The following MYH10 variants were observed in gnomAD, a reference collection of about 807,000 sequenced individuals.
The protein encoded by MYH10 is myosin heavy chain 10.
Under a neutral mutation model 257.8 loss-of-function variants are expected in MYH10, and 55 were observed. The observed-to-expected ratio is 0.21, with a 90% CI of 0.17 to 0.27. MYH10 has a LOEUF of 0.27. MYH10 is among the 10% of genes least tolerant of loss of function. The pLI is 1.00. For missense variants in MYH10, 1,631 were observed against 2,500.6 expected (o/e 0.65, Z 7.42); for synonymous variants, 854 against 921.7 (o/e 0.93, Z 1.33).
At chr17:8,548,522 T>C in intron 10 of MYH10, 114 bp from the exon 11 acceptor site, 5 of 1,423,970 alleles carry the variant, frequency 3.5e-6, no homozygotes, top group East Asian at 2.3e-5. Flanking sequence ...CAGTAAGACA[T>C]GTCTTTTCAG....
intron 24 of MYH10, among the ~76,000 whole-genome samples, chr17:8,511,888 A>G (rs769523108): frequency 6.6e-6 from 1 of 152,238 alleles, no homozygotes; most frequent in Non-Finnish European, 1.5e-5. Flanking sequence ...TTCAGGCTGT[A>G]CCTCTAAAAT....
chr17:8,475,886 CCTT>C lies in MYH10; in HGVS notation c.5939_5941del (p.Glu1980del). The C allele has an allele frequency of 6.2e-7, 1 of 1,614,242 alleles. No individual in the cohort carries two copies. The highest frequency in any genetic ancestry group is 8.5e-7 in the Non-Finnish European group (1 of 1,180,046). Reference sequence around the variant, plus strand: ...ATCGTCGGAGAGCTCCAGGGAAGCTCCTTCAAGGTGCAGCTGGCGCCGGCCAGA... The same window carrying C: ...ATCGTCGGAGAGCTCCAGGGAAGCTCCAAGGTGCAGCTGGCGCCGGCCAGA... On this transcript the variant is annotated inframe_deletion, in exon 43 of 43. Transcript: ENST00000360416.
At chr17:8,484,357 C>T in intron 36 of MYH10, 91 bp from the exon 37 acceptor site, 1 of 1,292,290 alleles carries the variant, frequency 7.7e-7, no homozygotes. Flanking sequence ...GGCTGTGTTG[C>T]CCAGGCTGAT....
chr17:8,572,574 C>T (rs568111561), intron 6 of MYH10, among the ~76,000 whole-genome samples: 1 of 152,170 alleles, frequency 6.6e-6, no homozygotes, highest in Admixed American at 6.5e-5. Flanking sequence ...TTTCTTCTTC[C>T]AGTGTGGCCC....
At chr17:8,546,436 T>A in intron 12 of MYH10, 108 bp downstream of exon 12, 1 of 877,246 alleles carries the variant, frequency 1.1e-6, no homozygotes. Context: ...AAAACACCCA[T>A]GTAAGACAGT....
intron 7 of MYH10, among the ~76,000 whole-genome samples, chr17:8,554,881 A>G (rs1335530684): frequency 6.6e-6 from 1 of 152,238 alleles, no homozygotes; most frequent in East Asian, 1.9e-4. Context: ...TGAACCCAGG[A>G]GGCGGAGGTT....
chr17:8,476,063 C>T, intron 42 of MYH10, 115 bp from the exon 43 acceptor site: 1 of 1,231,946 alleles, frequency 8.1e-7, no homozygotes. Context: ...TCCTCGGACA[C>T]ACGACCTTGT....
chr17:8,547,722 T>C (rs1329992454), intron 11 of MYH10, among the ~76,000 whole-genome samples: 1 of 147,040 alleles, frequency 6.8e-6, no homozygotes, highest in Non-Finnish European at 1.5e-5. Context: ...AACTGATATA[T>C]ATATAATATA....
chr17:8,510,191 A>G (rs1301586903), intron 24 of MYH10, among the ~76,000 whole-genome samples: 4 of 151,330 alleles, frequency 2.6e-5, no homozygotes, highest in Admixed American at 2.6e-4. Flanking sequence ...GGTGCCCGCC[A>G]CCACGCCCGG....
In MYH10 at chr17:8,495,096, A is replaced by G. The variant is rs1293731913; in HGVS notation, c.4056+41T>C. 15 of 1,198,636 alleles carry G rather than the reference A, an allele frequency of 1.3e-5. No homozygotes were observed. The South Asian group carries it at 1.7e-4, about 14-fold the overall frequency. The allele number at this position is 1,198,636 out of a possible 1,614,324, so 74.3% of individuals were successfully genotyped here. On this transcript the variant is annotated intron_variant, in intron 31 of 42. Coordinates refer to ENST00000360416, the MANE Select transcript of MYH10 (RefSeq NM_001256012.3). ...TTTCACCAGCTTATATATTACAGAA[A>G]TGTTAGTTATTATAAAGACCCCTTG...
intron 3 of MYH10, among the ~76,000 whole-genome samples, chr17:8,592,963 A>ATATATATATATATATG (rs2084225149): frequency 8.0e-6 from 1 of 124,448 alleles, no homozygotes; most frequent in African/African-American, 2.8e-5. Flanking sequence ...ATATATATAT[A>ATATATATATATATATG]TATATATAAA....
At chr17:8,567,904 A>G (rs1434480152) in intron 7 of MYH10, among the ~76,000 whole-genome samples, 2 of 152,200 alleles carry the variant, frequency 1.3e-5, no homozygotes, top group East Asian at 1.9e-4. Context: ...ATGTTTCGTT[A>G]AAGATTGATG....
chr17:8,536,244 G>A (rs1567863323), intron 14 of MYH10, among the ~76,000 whole-genome samples: 1 of 152,126 alleles, frequency 6.6e-6, no homozygotes, highest in South Asian at 2.1e-4. Context: ...AGCCAGAAAC[G>A]CAGTGGGAAG....
intron 3 of MYH10, among the ~76,000 whole-genome samples, chr17:8,598,821 C>T (rs899813237): frequency 1.3e-5 from 2 of 152,030 alleles, no homozygotes; most frequent in Admixed American, 6.5e-5. Context: ...ATCTTCCCAC[C>T]TCAGCCTCCT....
In MYH10 at chr17:8,475,711, A is replaced by G. The variant is rs1406059303; in HGVS notation, c.*93T>C. 2.1e-6 allele frequency: 3 copies of G among 1,432,530 alleles called. No homozygotes were observed. The African/African-American group carries it at 4.2e-5, about 20-fold the overall frequency. The allele number at this position is 1,432,530 out of a possible 1,614,324, so 88.7% of individuals were successfully genotyped here. On this transcript the variant is annotated 3_prime_UTR_variant, in exon 43 of 43. Coordinates refer to ENST00000360416, the MANE Select transcript of MYH10 (RefSeq NM_001256012.3). ...GACACAGTTGATCTTTCAGGAAGGA[A>G]TCCCGTAGCTTGCCAATTTCCGAAA...
chr17:8,612,992 T>A (rs897487157), intron 2 of MYH10, among the ~76,000 whole-genome samples: 4 of 152,170 alleles, frequency 2.6e-5, no homozygotes, highest in Middle Eastern at 3.2e-3. Context: ...GGACCCACTA[T>A]ATACAAAATA....
At chr17:8,565,049 T>G (rs1176472971) in intron 7 of MYH10, among the ~76,000 whole-genome samples, 1 of 152,230 alleles carries the variant, frequency 6.6e-6, no homozygotes, top group Non-Finnish European at 1.5e-5. Flanking sequence ...TAGGTTTTGC[T>G]ATTGCTTTTA....
chr17:8,587,555 G>T (rs1396638422), intron 4 of MYH10, among the ~76,000 whole-genome samples: 1 of 151,956 alleles, frequency 6.6e-6, no homozygotes, highest in Non-Finnish European at 1.5e-5. Flanking sequence ...GTACTCATCT[G>T]CCTCCTTGGC....
At chr17:8,568,259 A>G (rs1020661575) in intron 7 of MYH10, among the ~76,000 whole-genome samples, 2 of 152,160 alleles carry the variant, frequency 1.3e-5, no homozygotes, top group African/African-American at 4.8e-5. Flanking sequence ...TCAGACATCT[A>G]GCCTCCAGAA....
Sources: gnomAD v4.1 joint callset for allele counts (sites outside exome capture counted in the v4.1 genomes callset) on GRCh38, gnomAD v4.1.1 for gene constraint, MANE v1.5 for transcripts, NCBI Gene and HGNC (gene_info 2026-07-23, HGNC 2026-07-21) for gene names.